The following TM9SF2 variants were observed in gnomAD, a reference collection of about 807,000 sequenced individuals.
TM9SF2 encodes the protein transmembrane 9 superfamily member 2, also known as 76 kDa membrane protein.
Under a neutral mutation model 84.9 loss-of-function variants are expected in TM9SF2, and 13 were observed. The observed-to-expected ratio is 0.15, with a 90% confidence interval of 0.10 to 0.24. TM9SF2 has a LOEUF of 0.24. Ranked by LOEUF, TM9SF2 falls within the 10% of genes least tolerant of loss-of-function variation. TM9SF2 has a pLI of 1.00. For synonymous variants in TM9SF2, 273 were observed against 285.8 expected (o/e 0.96, Z 0.45); for missense variants, 562 against 818.5 (o/e 0.69, Z 3.82).
chr13:99,517,804 T>C, intron 2 of TM9SF2, 123 bp downstream of exon 2: 1 of 496,628 alleles, frequency 2.0e-6, no homozygotes, highest in Non-Finnish European at 3.4e-6. Flanking sequence ...GGTGTACTCT[T>C]CCAAGGTGTG....
chr13:99,530,024 CATT>C (rs1267559217), intron 4 of TM9SF2, among the ~76,000 whole-genome samples: 5 of 151,110 alleles, frequency 3.3e-5, no homozygotes, highest in African/African-American at 9.7e-5. Context: ...TGTGCAATAA[CATT>C]ATGTCTAAAA....
At position 99,562,956 on chromosome 13, in the gene TM9SF2, G is replaced by C; in HGVS notation, c.*198G>C. ...TTCAACACTATAAAGCATTTGTATT[G>C]TGATTTGATTAAGTATATATTTGGT... On this transcript the variant is annotated 3_prime_UTR_variant, in exon 17 of 17. Coordinates refer to ENST00000376387, the MANE Select transcript of TM9SF2 (RefSeq NM_004800.3). 2.1e-6 allele frequency: 1 copy of C among 469,796 alleles called. No individual in the cohort carries two copies. The highest frequency in any genetic ancestry group is 3.7e-6 in the Non-Finnish European group (1 of 266,972). The allele number at this position is 469,796 out of a possible 1,614,324, so 29.1% of individuals were successfully genotyped here. A position where few individuals can be genotyped will look rare whatever the true frequency, so the allele number is the denominator to read the frequency against.
At position 99,559,464 on chromosome 13, in the gene TM9SF2, G is replaced by A. The variant is rs199997189; in HGVS notation, c.1854G>A (p.Thr618=). Residue 618 remains threonine (T), a synonymous_variant, in exon 16 of 17, where the codon ACG becomes ACA. Transcript: ENST00000376387. ...VHYFFSKLQI[T]GTASTILYFG... ...ACTTCTTTTCAAAACTGCAGATCACGGGAACAGCAAGCACAATTCTGTACT... is the reference window on the plus strand; with the variant it reads ...ACTTCTTTTCAAAACTGCAGATCACAGGAACAGCAAGCACAATTCTGTACT... 149 of 1,613,964 alleles carry A rather than the reference G, an allele frequency of 9.2e-5. No homozygotes were observed. In the East Asian group the frequency reaches 3.0e-3, roughly 32 times the overall value.
chr13:99,558,738 GT>G (rs2046333759), intron 15 of TM9SF2, among the ~76,000 whole-genome samples: 2 of 151,766 alleles, frequency 1.3e-5, no homozygotes, highest in Non-Finnish European at 2.9e-5. Context: ...GTGTGTGTGT[GT>G]GTATGTGTGT....
At chr13:99,533,067 A>AT (rs1486467423) in intron 4 of TM9SF2, among the ~76,000 whole-genome samples, 2 of 152,202 alleles carry the variant, frequency 1.3e-5, no homozygotes, top group South Asian at 4.1e-4. Context: ...GTATAACTTG[A>AT]TTTTAAGCAT....
rs778587853 is a variant in TM9SF2 at position 99,552,297 on chromosome 13, A to G, written c.1459A>G (p.Ile487Val). 1 of 1,613,940 alleles carries G rather than the reference A, an allele frequency of 6.2e-7. No individual in the cohort carries two copies. Among genetic ancestry groups the G allele is most frequent in the Non-Finnish European group, 8.5e-7 (1 of 1,179,952 alleles). Residue 487 changes from isoleucine (I) to valine (V), a missense_variant, in exon 13 of 17, where the codon ATT becomes GTT. Around this residue, in one of 4 missense-constraint regions of TM9SF2, gnomAD observed 219 missense variants for 338.1 expected, o/e 0.65. Transcript: ENST00000376387. ...WFCISVPLTFIGAYFGFKKNA... is the reference protein window; with the variant it reads ...WFCISVPLTFVGAYFGFKKNA... The stretch of plus-strand genomic sequence containing the variant: ...CTGCATATCTGTGCCTCTGACGTTT[A>G]TTGGTGCATACTTTGGTTTTAAGAA...
chr13:99,555,803 A>G (rs192847650), intron 15 of TM9SF2, among the ~76,000 whole-genome samples, 156 bp downstream of exon 15: 1 of 152,290 alleles, frequency 6.6e-6, no homozygotes, highest in Admixed American at 6.5e-5. Context: ...CTTCTTTAGG[A>G]TTAAGATATC....
chr13:99,523,405 C>G (rs2046168810), intron 3 of TM9SF2, among the ~76,000 whole-genome samples: 1 of 152,170 alleles, frequency 6.6e-6, no homozygotes, highest in Admixed American at 6.5e-5. Context: ...CCTGCCTTAG[C>G]CACCCAAAGT....
At position 99,552,204 on chromosome 13, in the gene TM9SF2, C is replaced by T. The variant is rs2046308298; in HGVS notation, c.1366C>T (p.Leu456Phe). ...TGACTTCTTTATAATGAATCTGATC[C>T]TCTGGGGAGAAGGATCTTCAGCAGC... ...FADFFIMNLI[L>F]WGEGSSAAIP... Residue 456 changes from leucine (L) to phenylalanine (F), a missense_variant, in exon 13 of 17, where the codon CTC becomes TTC. Physicochemically the swap from Leu to Phe is conservative, Grantham distance 22 (BLOSUM62 0). Coordinates refer to ENST00000376387, the MANE Select transcript of TM9SF2 (RefSeq NM_004800.3). The T allele has an allele frequency of 1.2e-6, 2 of 1,613,920 alleles. No homozygotes were observed. The highest frequency in any genetic ancestry group is 1.7e-6 in the Non-Finnish European group (2 of 1,179,982).
intron 4 of TM9SF2, among the ~76,000 whole-genome samples, chr13:99,534,842 G>A (rs1359929439): frequency 6.6e-6 from 1 of 152,116 alleles, no homozygotes; most frequent in South Asian, 2.1e-4. Context: ...AATTTAGGAA[G>A]ACAGTAATTG....
intron 16 of TM9SF2, among the ~76,000 whole-genome samples, chr13:99,561,783 C>T (rs1307400989): frequency 6.6e-6 from 1 of 152,144 alleles, no homozygotes; most frequent in Non-Finnish European, 1.5e-5. Context: ...TTTATAGTCC[C>T]TTATGTGTGC....
In TM9SF2 at chr13:99,561,464, A is replaced by G. The variant is rs4459426; in HGVS notation, c.1925-1227A>G. On this transcript the variant is annotated intron_variant, in intron 16 of 16. Transcript: ENST00000376387. ...TGCAAGTAAGTACAAAGTTATATAA[A>G]TATACTGAGTTTTCATTATTGCTTT... 1.9e-3 allele frequency among the ~76,000 whole-genome samples: 295 copies of G among 152,346 alleles called. 1 individual carries two copies. In the Middle Eastern group the frequency reaches 0.041, roughly 21 times the overall value.
Position 99,501,766 on chromosome 13 carries a change from G to A in TM9SF2, c.160G>A (p.Asp54Asn). 1 of 1,611,086 alleles carries A rather than the reference G, an allele frequency of 6.2e-7. No homozygotes were observed. Among genetic ancestry groups the A allele is most frequent in the Non-Finnish European group, 8.5e-7 (1 of 1,179,436 alleles). The change falls in exon 1 of 17, where the codon GAC becomes AAC. Residue 54 changes from aspartate to asparagine, a missense_variant. By Grantham distance (23) the Asp-to-Asn change is conservative. This residue lies in a region of TM9SF2 where 267 missense variants were observed against 316.7 expected (regional missense o/e 0.84). Coordinates refer to ENST00000376387, the MANE Select transcript of TM9SF2 (RefSeq NM_004800.3). The part of the protein sequence containing the change: ...VNFCDEEKKS[D>N]ECKAEIELFV... Reference sequence around the variant, plus strand: ...CTTCTGCGACGAAGAAAAAAAGAGCGACGAGTGCAAGGTGGGTGAGGCCTG... The same window carrying A: ...CTTCTGCGACGAAGAAAAAAAGAGCAACGAGTGCAAGGTGGGTGAGGCCTG...
At chr13:99,560,110 C>T (rs1377834418) in intron 16 of TM9SF2, among the ~76,000 whole-genome samples, 3 of 152,082 alleles carry the variant, frequency 2.0e-5, no homozygotes, top group Admixed American at 6.6e-5. Flanking sequence ...CTCACAGCCC[C>T]GGGTGCTTGG....
chr13:99,530,430 A>T (rs191829856), intron 4 of TM9SF2, among the ~76,000 whole-genome samples: 1 of 150,542 alleles, frequency 6.6e-6, no homozygotes, highest in Non-Finnish European at 1.5e-5. Flanking sequence ...TCTCAAAAAT[A>T]AAAAAAAAAG....
intron 3 of TM9SF2, among the ~76,000 whole-genome samples, chr13:99,521,337 C>A (rs771779435): frequency 8.5e-5 from 13 of 152,166 alleles, no homozygotes; most frequent in African/African-American, 3.1e-4. Flanking sequence ...CTACCATGGG[C>A]ATCTGTCCAC....
intron 9 of TM9SF2, among the ~76,000 whole-genome samples, chr13:99,543,351 T>C (rs1016948484): frequency 6.6e-6 from 1 of 152,172 alleles, no homozygotes; most frequent in African/African-American, 2.4e-5. Flanking sequence ...CTCCTGAGAG[T>C]AGGAATTTTT....
chr13:99,532,579 A>T (rs888449950), intron 4 of TM9SF2, among the ~76,000 whole-genome samples: 3 of 152,096 alleles, frequency 2.0e-5, no homozygotes, highest in African/African-American at 7.2e-5. Context: ...AATCCCAGCT[A>T]CTCGGGAGGC....
In TM9SF2 at chr13:99,539,656, G is replaced by A. The variant is rs577313416; in HGVS notation, c.828+99G>A. ...TTACTGATTATGCTTGTCAAATAAA[G>A]AAGCTATTAATGAGCTGATTTTTAG... On this transcript the variant is annotated intron_variant, in intron 7 of 16. Transcript: ENST00000376387. The A allele has an allele frequency of 4.9e-5, 41 of 830,468 alleles. No individual in the cohort carries two copies. In the South Asian group the frequency reaches 6.4e-4, roughly 13 times the overall value. The allele number at this position is 830,468 out of a possible 1,614,324, so 51.4% of individuals were successfully genotyped here. A position where few individuals can be genotyped will look rare whatever the true frequency, so the allele number is the denominator to read the frequency against.
Sources: gnomAD v4.1 joint callset for allele counts (sites outside exome capture counted in the v4.1 genomes callset) on GRCh38, gnomAD v4.1.1 for gene constraint, gnomAD v4.1.1 regional missense constraint, MANE v1.5 for transcripts, NCBI Gene and HGNC (gene_info 2026-07-23, HGNC 2026-07-21) for gene names.